The following FHIT variants were observed in gnomAD, a reference collection of about 807,000 sequenced individuals.
The protein encoded by FHIT is bis(5'-adenosyl)-triphosphatase.
In FHIT, 19 loss-of-function variants were observed where a neutral mutation model predicts 17.9. The ratio of observed to expected loss-of-function variants is 1.06; its 90% CI spans 0.74 to 1.56. The LOEUF (loss-of-function observed/expected upper bound fraction) is 1.56, where lower values mean the gene tolerates loss of function less well. FHIT is among the 40% of genes most tolerant of loss of function. FHIT has a pLI of 0.00. For missense variants in FHIT, 248 were observed against 189.2 expected, an observed-to-expected ratio of 1.31 and a Z score of -1.82; for synonymous variants, 81 against 69.7, an observed-to-expected ratio of 1.16 and a Z score of -0.81.
chr3:61,077,478 A>C (rs1437775698), intron 2 of FHIT, among the ~76,000 whole-genome samples: 1 of 151,914 alleles, frequency 6.6e-6, no homozygotes, highest in Non-Finnish European at 1.5e-5. Context: ...ACAAACAAAC[A>C]AACAAACAAA....
intron 4 of FHIT, among the ~76,000 whole-genome samples, chr3:60,571,369 A>AAAAC (rs1559549076): frequency 1.7e-4 from 20 of 119,776 alleles, no homozygotes; most frequent in Admixed American, 3.9e-4. Context: ...AAAAAGAACA[A>AAAAC]TGAATGACGT....
At chr3:60,886,031 A>C (rs2107149360) in intron 3 of FHIT, among the ~76,000 whole-genome samples, 1 of 152,330 alleles carries the variant, frequency 6.6e-6, no homozygotes, top group East Asian at 1.9e-4. Context: ...CACATATTAA[A>C]TGCTCAATAA....
Position 60,584,412 on chromosome 3 carries a change from G to A in FHIT, c.-17-47433C>T, listed in dbSNP as rs138449462. Reference sequence around the variant, plus strand: ...ACACATACACACATACAACCCTTGTGAGCTGCGGTGGCGGTGGCAGTAACT... The same window carrying A: ...ACACATACACACATACAACCCTTGTAAGCTGCGGTGGCGGTGGCAGTAACT... On this transcript the variant is annotated intron_variant, in intron 4 of 9. Coordinates refer to ENST00000492590, the MANE Select transcript of FHIT (RefSeq NM_002012.4). Among the ~76,000 whole-genome samples the A allele has an allele frequency of 4.6e-3, 701 of 151,958 alleles. 3 individuals are homozygous for A. Among genetic ancestry groups the A allele is most frequent in the African/African-American group, 0.016 (679 of 41,440 alleles).
intron 5 of FHIT, among the ~76,000 whole-genome samples, chr3:60,459,805 T>TA (rs1469137734): frequency 1.3e-5 from 2 of 152,138 alleles, no homozygotes; most frequent in Non-Finnish European, 2.9e-5. Context: ...TCCTGCAAGT[T>TA]AAAAAACAAG....
chr3:61,154,131 T>C (rs560923363), intron 2 of FHIT, among the ~76,000 whole-genome samples: 16 of 152,296 alleles, frequency 1.1e-4, no homozygotes, highest in African/African-American at 3.9e-4. Flanking sequence ...CAGTATATTT[T>C]CTAGAAAGAA....
At chr3:60,441,470 T>C (rs1344373118) in intron 5 of FHIT, among the ~76,000 whole-genome samples, 1 of 151,746 alleles carries the variant, frequency 6.6e-6, no homozygotes, top group East Asian at 1.9e-4. Context: ...TAAAAAACAA[T>C]TTATCATCTC....
intron 5 of FHIT, among the ~76,000 whole-genome samples, chr3:60,289,412 A>G (rs1413693849): frequency 6.6e-6 from 1 of 152,186 alleles, no homozygotes; most frequent in Non-Finnish European, 1.5e-5. Flanking sequence ...AGCTCCAGAA[A>G]ATATCCATTC....
intron 5 of FHIT, among the ~76,000 whole-genome samples, chr3:60,475,013 T>A (rs566486805): frequency 6.6e-6 from 1 of 152,300 alleles, no homozygotes; most frequent in African/African-American, 2.4e-5. Flanking sequence ...TTGAGTTATC[T>A]GCCATTACTT....
rs148772616 is a variant in FHIT at position 60,734,611 on chromosome 3, C to G, written c.-18+87308G>C. ...AACTTCTGAGCTCAAGCAATCCACT[C>G]ATCTTGGCCTCCCAAAGTCCTGGGA... On this transcript the variant is annotated intron_variant, in intron 4 of 9. Transcript: ENST00000492590. Among the ~76,000 whole-genome samples the G allele has an allele frequency of 6.7e-4, 102 of 152,332 alleles. 1 individual carries two copies. Among genetic ancestry groups the G allele is most frequent in the African/African-American group, 2.3e-3 (97 of 41,580 alleles).
At chr3:61,182,569 C>G (rs556585244) in intron 2 of FHIT, among the ~76,000 whole-genome samples, 1 of 152,284 alleles carries the variant, frequency 6.6e-6, no homozygotes, top group African/African-American at 2.4e-5. Flanking sequence ...TTCATCTCAT[C>G]TCATGTACCA....
chr3:60,887,557 A>T (rs1418829717), intron 3 of FHIT, among the ~76,000 whole-genome samples: 3 of 152,108 alleles, frequency 2.0e-5, no homozygotes, highest in African/African-American at 7.2e-5. Flanking sequence ...GAGGCAGGAG[A>T]GTCGCTTGAA....
chr3:60,025,720 AG>A (rs1429946164), intron 5 of FHIT, among the ~76,000 whole-genome samples: 1 of 150,182 alleles, frequency 6.7e-6, no homozygotes, highest in African/African-American at 2.5e-5. Flanking sequence ...ATAAAAATGC[AG>A]AAAATTCTAC....
intron 4 of FHIT, among the ~76,000 whole-genome samples, chr3:60,790,517 T>C (rs1184323398): frequency 6.6e-6 from 1 of 152,192 alleles, no homozygotes; most frequent in African/African-American, 2.4e-5. Context: ...TAATTTGAAA[T>C]CCTGATTCCC....
intron 5 of FHIT, among the ~76,000 whole-genome samples, chr3:60,228,505 T>A (rs1704326019): frequency 6.6e-6 from 1 of 152,080 alleles, no homozygotes; most frequent in Non-Finnish European, 1.5e-5. Context: ...AGATAAAATT[T>A]AAAAAAATAA....
chr3:60,013,450 C>T (rs1014941496), intron 6 of FHIT, among the ~76,000 whole-genome samples: 2 of 152,154 alleles, frequency 1.3e-5, no homozygotes, highest in Non-Finnish European at 2.9e-5. Context: ...CATCCTTCTC[C>T]CAACCTGACA....
At chr3:60,772,907 T>C (rs1553723516) in intron 4 of FHIT, among the ~76,000 whole-genome samples, 1 of 152,150 alleles carries the variant, frequency 6.6e-6, no homozygotes, top group Non-Finnish European at 1.5e-5. Flanking sequence ...CAACTCCCTA[T>C]GATTAAATCT....
intron 5 of FHIT, among the ~76,000 whole-genome samples, chr3:60,430,201 C>T (rs1206957525): frequency 3.9e-5 from 6 of 152,070 alleles, no homozygotes; most frequent in Non-Finnish European, 5.9e-5. Context: ...GAGACTGTTG[C>T]ATTCCACTGG....
rs117655969 is a variant in FHIT, at chr3:60,149,559, G to A, written c.104-135407C>T. Among the ~76,000 whole-genome samples the A allele has an allele frequency of 3.3e-4, 50 of 152,196 alleles. 1 individual carries two copies. The East Asian group carries it at 9.3e-3, about 28-fold the overall frequency. Reference sequence around the variant, plus strand: ...TCCATGGTATCTGGAAGATGCTTTAGAGGGTAGGTAGCCTGAAGGTGCTGC... The same window carrying A: ...TCCATGGTATCTGGAAGATGCTTTAAAGGGTAGGTAGCCTGAAGGTGCTGC... On this transcript the variant is annotated intron_variant, in intron 5 of 9. Transcript: ENST00000492590.
intron 5 of FHIT, among the ~76,000 whole-genome samples, chr3:60,092,372 A>C (rs1463339367): frequency 6.6e-6 from 1 of 152,196 alleles, no homozygotes; most frequent in Non-Finnish European, 1.5e-5. Flanking sequence ...CCTAAGAAAT[A>C]ATGATCTGTT....
Sources: gnomAD v4.1 joint callset for allele counts (sites outside exome capture counted in the v4.1 genomes callset) on GRCh38, gnomAD v4.1.1 for gene constraint, MANE v1.5 for transcripts, NCBI Gene and HGNC (gene_info 2026-07-23, HGNC 2026-07-21) for gene names.